The following NOL4L variants were observed in gnomAD, a reference collection of about 807,000 sequenced individuals.
The protein encoded by NOL4L is nucleolar protein 4 like.
A neutral mutation model predicts 64.5 loss-of-function variants in NOL4L; 7 were observed. That is an observed-to-expected ratio of 0.11 (90% CI 0.06 to 0.20). The LOEUF (loss-of-function observed/expected upper bound fraction) is 0.20, where lower values mean the gene tolerates loss of function less well. NOL4L is among the 10% of genes least tolerant of loss of function. The pLI is 1.00. For synonymous variants in NOL4L, 413 were observed against 401.0 expected (o/e 1.03, Z -0.36); for missense variants, 680 against 967.1 (o/e 0.70, Z 3.94).
chr20:32,541,008 TACAC>T (rs10675320), intron 1 of NOL4L, among the ~76,000 whole-genome samples: 6,463 of 133,546 alleles, frequency 0.048, 498 homozygotes, highest in African/African-American at 0.17. Context: ...CGCCACCCCC[TACAC>T]ACACACACAC....
chr20:32,481,763 C>CG (rs1388694831), intron 4 of NOL4L, among the ~76,000 whole-genome samples: 2 of 152,152 alleles, frequency 1.3e-5, no homozygotes, highest in Admixed American at 6.5e-5. Flanking sequence ...ATTTACTACC[C>CG]GGGGGGCTAA....
chr20:32,471,745 C>T (rs2015035200), intron 5 of NOL4L, among the ~76,000 whole-genome samples: 1 of 152,048 alleles, frequency 6.6e-6, no homozygotes, highest in Admixed American at 6.6e-5. Flanking sequence ...TGGCTGGGTG[C>T]TGTATGGAGT....
intron 1 of NOL4L, among the ~76,000 whole-genome samples, chr20:32,583,568 C>A (rs1429967341): frequency 1.4e-5 from 2 of 148,022 alleles, no homozygotes; most frequent in African/African-American, 2.5e-5. Context: ...GCGGCCCGAC[C>A]GGGCCGGGGG....
chr20:32,551,071 T>C (rs1307955372), intron 1 of NOL4L, among the ~76,000 whole-genome samples: 2 of 150,652 alleles, frequency 1.3e-5, no homozygotes, highest in African/African-American at 4.9e-5. Flanking sequence ...ATAATAATAA[T>C]AATACAGTAT....
intron 1 of NOL4L, among the ~76,000 whole-genome samples, chr20:32,576,639 TCC>T (rs1343318753): frequency 6.6e-6 from 1 of 152,062 alleles, no homozygotes; most frequent in Non-Finnish European, 1.5e-5. Context: ...GGACTAGTGC[TCC>T]GGGATCCACA....
chr20:32,556,214 C>A (rs1173740601), intron 1 of NOL4L, among the ~76,000 whole-genome samples: 4 of 152,118 alleles, frequency 2.6e-5, no homozygotes, highest in Non-Finnish European at 5.9e-5. Flanking sequence ...CAAAACAGCA[C>A]CACCAAGGCT....
chr20:32,546,791 G>C (rs1052095747), intron 1 of NOL4L, among the ~76,000 whole-genome samples: 2 of 152,234 alleles, frequency 1.3e-5, no homozygotes, highest in African/African-American at 2.4e-5. Context: ...ACACAGGAGA[G>C]AGCATGGGTG....
intron 2 of NOL4L, among the ~76,000 whole-genome samples, chr20:32,522,584 G>T (rs2017984649): frequency 6.6e-6 from 1 of 152,358 alleles, no homozygotes; most frequent in South Asian, 2.1e-4. Flanking sequence ...AGCAAGAAGG[G>T]CCCTGCCCAT....
chr20:32,497,815 C>T (rs915376284), intron 4 of NOL4L, among the ~76,000 whole-genome samples: 1 of 152,204 alleles, frequency 6.6e-6, no homozygotes, highest in Non-Finnish European at 1.5e-5. Context: ...ACTGCCAGAG[C>T]TCTGACAGGA....
intron 3 of NOL4L, among the ~76,000 whole-genome samples, chr20:32,518,204 T>TGAGGATGGGG (rs1406360072): frequency 6.6e-6 from 1 of 152,302 alleles, no homozygotes; most frequent in South Asian, 2.1e-4. Flanking sequence ...GCATTGTGTC[T>TGAGGATGGGG]GAGGATGGGG....
intron 1 of NOL4L, among the ~76,000 whole-genome samples, chr20:32,563,031 T>G (rs1203925589): frequency 4.1e-5 from 1 of 24,350 alleles, no homozygotes. Flanking sequence ...GGAAGGAGGG[T>G]AGAGGGAGGG....
intron 6 of NOL4L, among the ~76,000 whole-genome samples, chr20:32,454,364 C>A (rs78294261): frequency 1.3e-5 from 2 of 152,220 alleles, no homozygotes; most frequent in Non-Finnish European, 2.9e-5. Flanking sequence ...GTCTGCCCCC[C>A]ACCCAGGACA....
At chr20:32,561,235 G>A (rs886472017) in intron 1 of NOL4L, 1 of 152,318 alleles carries the variant, frequency 6.6e-6, no homozygotes, top group Non-Finnish European at 1.5e-5. Flanking sequence ...GACCATGGGG[G>A]CCCTTGGGGC....
chr20:32,574,494 A>C (rs1406935475), intron 1 of NOL4L, among the ~76,000 whole-genome samples: 1 of 152,154 alleles, frequency 6.6e-6, no homozygotes, highest in East Asian at 1.9e-4. Flanking sequence ...AGGCTGTGGA[A>C]GCCAGGGGCT....
At position 32,463,863 on chromosome 20, in the gene NOL4L, G is replaced by A. The variant is rs1425958991; in HGVS notation, c.842-7468C>T. ...TCCCACCAGCTCCCAGGCTAGGCTCGGAGAACGGGAAGGCCCACCATCCCT... is the reference window on the plus strand; with the variant it reads ...TCCCACCAGCTCCCAGGCTAGGCTCAGAGAACGGGAAGGCCCACCATCCCT... On this transcript the variant is annotated intron_variant, in intron 5 of 10. Transcript: ENST00000621426. The surrounding 1 kb of genome is among the most constrained non-coding windows in gnomAD (Gnocchi z 5.8). 1.3e-5 allele frequency among the ~76,000 whole-genome samples: 2 copies of A among 152,136 alleles called. No homozygotes were observed. Among genetic ancestry groups the A allele is most frequent in the African/African-American group, 2.4e-5 (1 of 41,428 alleles).
intron 1 of NOL4L, among the ~76,000 whole-genome samples, chr20:32,533,011 C>A (rs997235002): frequency 3.9e-5 from 6 of 152,196 alleles, no homozygotes; most frequent in Non-Finnish European, 8.8e-5. Context: ...AGAAGCTGGG[C>A]ATGGTGGCGC....
intron 5 of NOL4L, among the ~76,000 whole-genome samples, chr20:32,466,121 C>A (rs560454819): frequency 1.3e-5 from 2 of 152,236 alleles, no homozygotes; most frequent in East Asian, 3.9e-4. Flanking sequence ...GTGCCCATCA[C>A]CACGCCCAGC....
At chr20:32,504,202 C>T (rs868138245) in intron 4 of NOL4L, among the ~76,000 whole-genome samples, 2 of 152,264 alleles carry the variant, frequency 1.3e-5, no homozygotes, top group South Asian at 2.1e-4. Flanking sequence ...CTTTTATTCA[C>T]TCTACTGGTT....
chr20:32,569,480 T>C (rs1979631523), intron 1 of NOL4L, among the ~76,000 whole-genome samples: 1 of 150,878 alleles, frequency 6.6e-6, no homozygotes, highest in African/African-American at 2.4e-5. Flanking sequence ...GGGGAGGAGG[T>C]GACAAGAGCT....
Sources: gnomAD v4.1 joint callset for allele counts (sites outside exome capture counted in the v4.1 genomes callset) on GRCh38, gnomAD v4.1.1 for gene constraint, Gnocchi (gnomAD v3.1) non-coding constraint, MANE v1.5 for transcripts, NCBI Gene and HGNC (gene_info 2026-07-23, HGNC 2026-07-21) for gene names.